Variants in HELZ observed in about 807,000 individuals in gnomAD.
HELZ encodes ATP-dependent RNA helicase with zinc finger domain.
HELZ carries 23 observed loss-of-function variants against 218.2 expected under a neutral mutation model. The ratio of observed to expected loss-of-function variants is 0.11; its 90% CI spans 0.08 to 0.15. The LOEUF (loss-of-function observed/expected upper bound fraction) is 0.15, where lower values mean the gene tolerates loss of function less well. Among genes scored for constraint, HELZ ranks in the 10% least tolerant of loss-of-function variants. The pLI is 1.00. For missense variants in HELZ, 1,813 were observed against 2,353.7 expected (o/e 0.77, Z 4.75); for synonymous variants, 814 against 829.4 (o/e 0.98, Z 0.32).
intron 18 of HELZ, 33 bp from the exon 19 acceptor site, chr17:67,150,018 G>A (rs374252037): frequency 3.1e-6 from 4 of 1,282,804 alleles, no homozygotes; most frequent in South Asian, 1.3e-5. Context: ...AGGATAGCAC[G>A]CTAGAGCAGC....
At chr17:67,158,931 C>T (rs998104969) in intron 17 of HELZ, among the ~76,000 whole-genome samples, 18 of 152,154 alleles carry the variant, frequency 1.2e-4, no homozygotes, top group African/African-American at 4.3e-4. Flanking sequence ...TATGCTAAGT[C>T]GACCGAGATT....
At chr17:67,161,908 G>A (rs2039004209) in intron 15 of HELZ, among the ~76,000 whole-genome samples, 2 of 152,036 alleles carry the variant, frequency 1.3e-5, no homozygotes, top group Admixed American at 6.6e-5. Flanking sequence ...AATACTATAC[G>A]TCACAACAAC....
Position 67,074,165 on chromosome 17 carries a change from A to G in HELZ, c.*4087T>C, listed in dbSNP as rs1228631669. 2 of 151,856 alleles carry G rather than the reference A, an allele frequency of 1.3e-5. No individual in the cohort carries two copies. Among genetic ancestry groups the G allele is most frequent in the African/African-American group, 4.8e-5 (2 of 41,350 alleles). The allele number at this position is 151,856 out of a possible 1,614,324, so 9.4% of individuals were successfully genotyped here. A position where few individuals can be genotyped will look rare whatever the true frequency, so the allele number is the denominator to read the frequency against. On this transcript the variant is annotated 3_prime_UTR_variant, in exon 33 of 33. Transcript: ENST00000358691. ...TATAGCGCGGCAGTAGAAATTAAGG[A>G]TTTTCATATGTTAAGGGGATGGTGA...
At chr17:67,160,874 G>A (rs1275852374) in intron 16 of HELZ, 23 bp downstream of exon 16, 2 of 1,549,114 alleles carry the variant, frequency 1.3e-6, no homozygotes, top group East Asian at 2.3e-5. Context: ...AGGGAAATAT[G>A]AGCACGCTTC....
chr17:67,109,769 T>C, intron 28 of HELZ, 83 bp from the exon 29 acceptor site: 1 of 962,006 alleles, frequency 1.0e-6, no homozygotes, highest in Middle Eastern at 2.2e-4. Flanking sequence ...CTAACACATC[T>C]AAAGGATATG....
Position 67,148,666 on chromosome 17 carries a change from C to T in HELZ, c.2524G>A (p.Val842Ile), listed in dbSNP as rs746461929. Residue 842 changes from valine (V) to isoleucine (I), a missense_variant, in exon 20 of 33, where the codon GTT becomes ATT. Physicochemically the swap from Val to Ile is conservative, Grantham distance 29. Around this residue, in one of 4 missense-constraint regions of HELZ, gnomAD observed 714 missense variants for 1,029.2 expected, o/e 0.69. Transcript: ENST00000358691. ...SEFARERNLHVSLLDRLYEHY... is the reference protein window; with the variant it reads ...SEFARERNLHISLLDRLYEHY... Reference sequence around the variant, plus strand: ...TCATAGAGTCGGTCAAGTAATGAAACGTGAAGGTTTCTCTCCCTGGCAAAC... The same window carrying T: ...TCATAGAGTCGGTCAAGTAATGAAATGTGAAGGTTTCTCTCCCTGGCAAAC... The T allele has an allele frequency of 1.9e-5, 30 of 1,613,466 alleles. 1 individual carries two copies. Among genetic ancestry groups the T allele is most frequent in the South Asian group, 6.6e-5 (6 of 91,050 alleles).
intron 17 of HELZ, among the ~76,000 whole-genome samples, chr17:67,156,902 G>A (rs148612077): frequency 0.011 from 1,651 of 152,320 alleles, 19 homozygotes; most frequent in South Asian, 0.017. Flanking sequence ...CAGTGTTGGA[G>A]GTAGGGCCCA....
At chr17:67,083,323 T>A (rs772340215) in intron 32 of HELZ, among the ~76,000 whole-genome samples, 1 of 152,228 alleles carries the variant, frequency 6.6e-6, no homozygotes, top group Non-Finnish European at 1.5e-5. Flanking sequence ...TGAATTTCAC[T>A]AGTCTTACAA....
intron 32 of HELZ, among the ~76,000 whole-genome samples, chr17:67,080,339 G>C (rs756837667): frequency 6.6e-6 from 1 of 152,258 alleles, no homozygotes; most frequent in East Asian, 1.9e-4. Context: ...TTCTGTATCA[G>C]TATTAAGTTT....
intron 5 of HELZ, among the ~76,000 whole-genome samples, chr17:67,215,292 T>C (rs2040567447): frequency 6.6e-6 from 1 of 152,190 alleles, no homozygotes; most frequent in Admixed American, 6.5e-5. Flanking sequence ...CTTAACATTT[T>C]ATTCAATGTG....
intron 23 of HELZ, among the ~76,000 whole-genome samples, chr17:67,130,646 T>C (rs996725527): frequency 6.6e-6 from 1 of 152,186 alleles, no homozygotes; most frequent in African/African-American, 2.4e-5. Flanking sequence ...GACTATCTTA[T>C]ATAGCACTCA....
chr17:67,078,068 T>C lies in HELZ; in HGVS notation c.*184A>G. On this transcript the variant is annotated 3_prime_UTR_variant, in exon 33 of 33. Coordinates refer to ENST00000358691, the MANE Select transcript of HELZ (RefSeq NM_014877.4). ...TGTCAAAGTTTTGACACATCAAAAA[T>C]GCAAAATAATGGAATATACTTTAAA... 1 of 513,738 alleles carries C rather than the reference T, an allele frequency of 1.9e-6. No individual in the cohort carries two copies. The highest frequency in any genetic ancestry group is 2.9e-5 in the South Asian group (1 of 34,342). The allele number at this position is 513,738 out of a possible 1,614,324, so 31.8% of individuals were successfully genotyped here.
intron 2 of HELZ, among the ~76,000 whole-genome samples, chr17:67,241,550 C>A (rs971816475): frequency 1.3e-5 from 2 of 152,300 alleles, no homozygotes; most frequent in South Asian, 2.1e-4. Flanking sequence ...AGGCCCTTTG[C>A]AAGTAAAAAT....
intron 21 of HELZ, among the ~76,000 whole-genome samples, chr17:67,143,809 A>G (rs1199144024): frequency 6.6e-6 from 1 of 152,232 alleles, no homozygotes; most frequent in Non-Finnish European, 1.5e-5. Context: ...AATGATGTAC[A>G]AAGCACAAGA....
intron 30 of HELZ, among the ~76,000 whole-genome samples, chr17:67,107,982 T>C (rs2143743158): frequency 6.6e-6 from 1 of 152,324 alleles, no homozygotes; most frequent in Non-Finnish European, 1.5e-5. Context: ...GTGGACCTTA[T>C]TCAGAAGGGA....
intron 24 of HELZ, among the ~76,000 whole-genome samples, chr17:67,126,117 C>G (rs1321387629): frequency 6.6e-6 from 1 of 152,212 alleles, no homozygotes; most frequent in Non-Finnish European, 1.5e-5. Context: ...AAGCCAATAT[C>G]TTGATGCTGG....
At chr17:67,099,364 T>C (rs2143680988) in intron 31 of HELZ, among the ~76,000 whole-genome samples, 1 of 146,238 alleles carries the variant, frequency 6.8e-6, no homozygotes, top group Middle Eastern at 3.4e-3. Flanking sequence ...TAAAGGCTCA[T>C]TTACCCTGCC....
chr17:67,175,323 A>G (rs895961112), intron 13 of HELZ, among the ~76,000 whole-genome samples: 6 of 152,354 alleles, frequency 3.9e-5, no homozygotes, highest in Non-Finnish European at 5.9e-5. Flanking sequence ...AAAGTTACTG[A>G]GCCCTGCACT....
At chr17:67,227,507 CA>C (rs367596301) in intron 3 of HELZ, among the ~76,000 whole-genome samples, 3 of 152,168 alleles carry the variant, frequency 2.0e-5, no homozygotes, top group South Asian at 4.2e-4. Flanking sequence ...TTTAAAACTA[CA>C]AAGAAGAAAA....
Sources: gnomAD v4.1 joint callset for allele counts (sites outside exome capture counted in the v4.1 genomes callset) on GRCh38, gnomAD v4.1.1 for gene constraint, gnomAD v4.1.1 regional missense constraint, MANE v1.5 for transcripts, NCBI Gene and HGNC (gene_info 2026-07-23, HGNC 2026-07-21) for gene names.